The following CEP63 variants were observed in gnomAD, a reference collection of about 807,000 sequenced individuals.
The protein encoded by CEP63 is centrosomal protein of 63 kDa.
CEP63 carries 84 observed loss-of-function variants against 89.1 expected under a neutral mutation model. The ratio of observed to expected loss-of-function variants is 0.94; its 90% confidence interval spans 0.79 to 1.13. The LOEUF is 1.13. Ranked by LOEUF, CEP63 falls within the 50% of genes most tolerant of loss-of-function variation. CEP63 has a pLI of 0.00. For synonymous variants in CEP63, 267 were observed against 272.5 expected (o/e 0.98, Z 0.20); for missense variants, 838 against 813.3 (o/e 1.03, Z -0.37).
intron 11 of CEP63, among the ~76,000 whole-genome samples, chr3:134,574,257 G>C (rs1306107825): frequency 6.6e-6 from 1 of 152,212 alleles, no homozygotes; most frequent in African/African-American, 2.4e-5. Flanking sequence ...TGGAGGAGCG[G>C]CTTCTGCAGG....
At chr3:134,503,408 T>C (rs1028171452) in intron 2 of CEP63, among the ~76,000 whole-genome samples, 3 of 152,170 alleles carry the variant, frequency 2.0e-5, no homozygotes, top group African/African-American at 7.2e-5. Flanking sequence ...AAAAAATTTG[T>C]TGAAACTTGT....
chr3:134,582,136 C>A (rs1178867217), intron 10 of CEP63, among the ~76,000 whole-genome samples: 3 of 145,616 alleles, frequency 2.1e-5, no homozygotes, highest in South Asian at 4.4e-4. Context: ...GGGAAAAAAA[C>A]TGGCAGAAAT....
the CEP63 span, among the ~76,000 whole-genome samples, chr3:134,660,251 G>T: frequency 6.6e-6 from 1 of 152,280 alleles, no homozygotes; most frequent in Admixed American, 6.5e-5. Context: ...GGGCAAGGAG[G>T]TTGCGATGGA....
chr3:134,610,326 C>T, the CEP63 span: 1 of 1,613,818 alleles, frequency 6.2e-7, no homozygotes, highest in Non-Finnish European at 8.5e-7. Flanking sequence ...TCTGCCCTGT[C>T]TGGTAGCCGA....
At chr3:134,492,112 C>T (rs1486065639) in intron 1 of CEP63, among the ~76,000 whole-genome samples, 11 of 110,768 alleles carry the variant, frequency 9.9e-5, no homozygotes, top group South Asian at 2.8e-4. Context: ...TTTGCTCTGT[C>T]GCCCAGGCTG....
At chr3:134,702,544 G>C in the CEP63 span, among the ~76,000 whole-genome samples, 190 of 152,262 alleles carry the variant, frequency 1.2e-3, no homozygotes, top group East Asian at 0.029. Context: ...TAATGGAACA[G>C]ATTAGAGAAC....
intron 1 of CEP63, among the ~76,000 whole-genome samples, chr3:134,493,377 A>G (rs1264266295): frequency 6.6e-6 from 1 of 151,660 alleles, no homozygotes; most frequent in Admixed American, 6.6e-5. Context: ...TGGACCGTGT[A>G]CTGCCTCCCA....
the CEP63 span, chr3:134,650,910 G>C: frequency 6.2e-7 from 1 of 1,613,258 alleles, no homozygotes; most frequent in Non-Finnish European, 8.5e-7. Flanking sequence ...CCGAGTGCAC[G>C]ATCAGCAGCA....
chr3:134,577,522 G>A (rs116029680), downstream of CEP63, among the ~76,000 whole-genome samples: 1,910 of 143,228 alleles, frequency 0.013, 19 homozygotes, highest in Admixed American at 0.017. Context: ...TACCTCCCGA[G>A]TTCAAGCAAT....
chr3:134,742,498 C>T, the CEP63 span, among the ~76,000 whole-genome samples: 2 of 152,138 alleles, frequency 1.3e-5, no homozygotes, highest in East Asian at 3.9e-4. Context: ...ATACTGCAGG[C>T]CAGTTTTCTG....
chr3:134,550,351 T>G, intron 11 of CEP63, 91 bp downstream of exon 11: 3 of 1,244,580 alleles, frequency 2.4e-6, no homozygotes, highest in Non-Finnish European at 3.5e-6. Context: ...TTTAATTCAG[T>G]GAATTTTTAT....
chr3:134,607,605 C>G, the CEP63 span: 1 of 985,670 alleles, frequency 1.0e-6, no homozygotes. Flanking sequence ...GATCAGGTGC[C>G]AAGGCCTTGG....
chr3:134,735,657 C>T, the CEP63 span, among the ~76,000 whole-genome samples: 4 of 152,076 alleles, frequency 2.6e-5, no homozygotes, highest in African/African-American at 9.7e-5. Context: ...CAAATTACCA[C>T]AAAAGCACCA....
chr3:134,538,592 T>C (rs972661551), intron 6 of CEP63, among the ~76,000 whole-genome samples: 1 of 147,564 alleles, frequency 6.8e-6, no homozygotes, highest in African/African-American at 2.5e-5. Flanking sequence ...AAATTTTTTT[T>C]GGTTTTCTTG....
At chr3:134,486,015 C>T (rs1021600839), upstream of CEP63, 2 of 978,538 alleles carry the variant, frequency 2.0e-6, no homozygotes, top group Non-Finnish European at 2.4e-6. Context: ...CCCCGCATCA[C>T]GTGTCTGCAC....
intron 2 of CEP63, among the ~76,000 whole-genome samples, chr3:134,497,297 G>T (rs6799543): frequency 0.68 from 103,627 of 152,016 alleles, 35,586 homozygotes; most frequent in East Asian, 0.82. Context: ...TTTTTGTTTT[G>T]GTTGCCTGTG....
chr3:134,585,582 T>TA (rs1424926687), intron 10 of CEP63, among the ~76,000 whole-genome samples: 1 of 152,228 alleles, frequency 6.6e-6, no homozygotes, highest in African/African-American at 2.4e-5. Flanking sequence ...TCTGTTCTCT[T>TA]ACATTTGCTG....
At chr3:134,713,431 C>G in the CEP63 span, among the ~76,000 whole-genome samples, 4 of 152,210 alleles carry the variant, frequency 2.6e-5, no homozygotes, top group Non-Finnish European at 5.9e-5. Flanking sequence ...TTCTTACTAC[C>G]TGGACATGAT....
the CEP63 span, among the ~76,000 whole-genome samples, chr3:134,601,941 C>G: frequency 6.6e-6 from 1 of 152,142 alleles, no homozygotes; most frequent in Non-Finnish European, 1.5e-5. Flanking sequence ...TGGCAGGGGC[C>G]GGGCCCCCTT....
Sources: gnomAD v4.1 joint callset for allele counts (sites outside exome capture counted in the v4.1 genomes callset) on GRCh38, gnomAD v4.1.1 for gene constraint, MANE v1.5 for transcripts, NCBI Gene and HGNC (gene_info 2026-07-23, HGNC 2026-07-21) for gene names.